ARHGAP29: variants seen among roughly 807,000 people sequenced by gnomAD.
ARHGAP29 encodes the protein rho GTPase-activating protein 29.
A neutral mutation model predicts 122.6 loss-of-function variants in ARHGAP29; 43 were observed. The ratio of observed to expected loss-of-function variants is 0.35; its 90% confidence interval spans 0.27 to 0.45. The LOEUF is 0.45. Ranked by LOEUF, ARHGAP29 falls within the 20% of genes least tolerant of loss-of-function variation. ARHGAP29 has a pLI of 1.00. For missense variants in ARHGAP29, 1,303 were observed against 1,477.2 expected (o/e 0.88, Z 1.93); for synonymous variants, 506 against 497.1 (o/e 1.02, Z -0.24).
intron 1 of ARHGAP29, among the ~76,000 whole-genome samples, chr1:94,261,670 T>C (rs1194395138): frequency 6.6e-6 from 1 of 151,920 alleles, no homozygotes; most frequent in African/African-American, 2.4e-5. Flanking sequence ...ACAAAAATAA[T>C]AAAATACCTA....
chr1:94,216,379 G>A (rs1040633806), intron 3 of ARHGAP29, among the ~76,000 whole-genome samples: 13 of 152,130 alleles, frequency 8.5e-5, no homozygotes, highest in African/African-American at 2.4e-4. Flanking sequence ...GGAGCAGAAC[G>A]CTACCATCTG....
intron 1 of ARHGAP29, among the ~76,000 whole-genome samples, chr1:94,252,193 A>G (rs1000242363): frequency 2.0e-5 from 3 of 152,218 alleles, no homozygotes; most frequent in Non-Finnish European, 2.9e-5. Flanking sequence ...CTAACATATG[A>G]CAAGTTTCAT....
At position 94,263,474 on chromosome 1, in the gene ARHGAP29, C is replaced by T. The variant is rs766571342; in HGVS notation, c.-33+11538G>A. The stretch of plus-strand genomic sequence containing the variant: ...AATGCAGTGCTCTAACAATGTTAGA[C>T]ATCATGCAGACCACGTACTCATGCA... On this transcript the variant is annotated intron_variant and NMD_transcript_variant, in intron 1 of 25. Coordinates refer to the ARHGAP29 transcript ENST00000552844. Among the ~76,000 whole-genome samples the T allele has an allele frequency of 8.7e-4, 132 of 152,116 alleles. 1 individual carries two copies. The highest frequency in any genetic ancestry group is 1.0e-3 in the Non-Finnish European group (69 of 67,988).
chr1:94,247,703 A>ACACCACCACCACCAC (rs568949677), intron 1 of ARHGAP29, among the ~76,000 whole-genome samples: 65 of 151,030 alleles, frequency 4.3e-4, no homozygotes, highest in African/African-American at 1.5e-3. Flanking sequence ...GCAGCCACAG[A>ACACCACCACCACCAC]CACCACCACC....
chr1:94,305,700 G>A, the ARHGAP29 span, among the ~76,000 whole-genome samples: 2,168 of 152,302 alleles, frequency 0.014, 42 homozygotes, highest in Admixed American at 0.038. Flanking sequence ...AGGTAAAATT[G>A]ACTGGATTTA....
At chr1:94,244,625 C>CA (rs749458507) in intron 1 of ARHGAP29, among the ~76,000 whole-genome samples, 7 of 151,970 alleles carry the variant, frequency 4.6e-5, no homozygotes, top group Admixed American at 3.9e-4. Flanking sequence ...GTAAAATACT[C>CA]AGAGATGGTG....
chr1:94,273,243 A>G (rs1049670601), intron 1 of ARHGAP29, among the ~76,000 whole-genome samples: 1 of 152,232 alleles, frequency 6.6e-6, no homozygotes, highest in African/African-American at 2.4e-5. Context: ...CATGATCAGA[A>G]TGAGAAATAA....
In ARHGAP29 at chr1:94,171,580, T is replaced by C. The variant is rs952214901; in HGVS notation, c.*2289A>G. Among the ~76,000 whole-genome samples, 3 of 152,158 alleles carry C rather than the reference T, an allele frequency of 2.0e-5. No homozygotes were observed. The highest frequency in any genetic ancestry group is 1.3e-4 in the Admixed American group (2 of 15,278). On this transcript the variant is annotated 3_prime_UTR_variant, in exon 23 of 23. Transcript: ENST00000260526. ...AAATGATTTCCACCACACTATTAGA[T>C]AGCACAACACAGTGCACACTGTGGA...
the ARHGAP29 span, among the ~76,000 whole-genome samples, chr1:94,287,834 T>C: frequency 6.0e-5 from 9 of 150,300 alleles, no homozygotes; most frequent in Non-Finnish European, 1.0e-4. Context: ...CATGAACTCA[T>C]CCTTTTTTTA....
intron 2 of ARHGAP29, among the ~76,000 whole-genome samples, chr1:94,223,346 C>T (rs1379608663): frequency 1.3e-5 from 2 of 152,112 alleles, no homozygotes; most frequent in South Asian, 2.1e-4. Flanking sequence ...ACCAGACTGC[C>T]TGACTTTGAA....
intron 2 of ARHGAP29, among the ~76,000 whole-genome samples, chr1:94,221,181 A>G (rs1049673066): frequency 2.6e-5 from 4 of 152,186 alleles, no homozygotes; most frequent in Non-Finnish European, 5.9e-5. Flanking sequence ...GGGGGATGCT[A>G]CTCACAGTCA....
chr1:94,202,568 C>T lies in ARHGAP29; in HGVS notation c.1119G>A (p.Arg373=), dbSNP rs1181154732. 1 of 1,614,144 alleles carries T rather than the reference C, an allele frequency of 6.2e-7. No homozygotes were observed. The highest frequency in any genetic ancestry group is 1.7e-5 in the Admixed American group (1 of 60,010). ...CTTTTTGGAGAGCCTCCTCTTCCAA[C>T]CTTCGCTTTTTTTCTAGTTGCTTGT... is the stretch of plus-strand genomic sequence containing the variant. ...NLNKQLEKKR[R]LEEEALQKVE... The change falls in exon 11 of 23, where the codon AGG becomes AGA. Residue 373 remains arginine, a synonymous_variant. Transcript: ENST00000260526.
At chr1:94,190,218 T>C (rs765726436) in intron 12 of ARHGAP29, 135 bp from the exon 13 acceptor site, 33 of 846,222 alleles carry the variant, frequency 3.9e-5, no homozygotes, top group Non-Finnish European at 5.7e-5. Flanking sequence ...ACTCTGAACA[T>C]ACTATGATGC....
intron 1 of ARHGAP29, among the ~76,000 whole-genome samples, chr1:94,264,323 G>T (rs1654675099): frequency 2.0e-5 from 3 of 151,990 alleles, no homozygotes; most frequent in Admixed American, 2.0e-4. Flanking sequence ...CATCTCCATT[G>T]TTCATGGTTG....
At chr1:94,182,387 G>T (rs1355237256) in intron 19 of ARHGAP29, among the ~76,000 whole-genome samples, 1 of 152,046 alleles carries the variant, frequency 6.6e-6, no homozygotes, top group Non-Finnish European at 1.5e-5. Context: ...AAAATAAAGG[G>T]GAGGAAATGA....
chr1:94,222,879 A>G (rs987050917), intron 2 of ARHGAP29, among the ~76,000 whole-genome samples: 3 of 152,242 alleles, frequency 2.0e-5, no homozygotes, highest in Non-Finnish European at 4.4e-5. Context: ...TCTATTTTTA[A>G]AATGAAATAC....
intron 2 of ARHGAP29, among the ~76,000 whole-genome samples, chr1:94,221,101 T>C (rs1034058827): frequency 1.3e-5 from 2 of 152,140 alleles, no homozygotes; most frequent in Non-Finnish European, 2.9e-5. Flanking sequence ...AGCGATGCAG[T>C]TTTATTACAC....
chr1:94,208,112 A>G (rs1488453995), intron 5 of ARHGAP29, among the ~76,000 whole-genome samples: 1 of 152,168 alleles, frequency 6.6e-6, no homozygotes, highest in East Asian at 1.9e-4. Flanking sequence ...TGCCGGGACT[A>G]TAGGTGTGTG....
At chr1:94,184,589 AT>A (rs758545472) in intron 18 of ARHGAP29, among the ~76,000 whole-genome samples, 1,998 of 147,432 alleles carry the variant, frequency 0.014, 14 homozygotes, top group Non-Finnish European at 0.02. Context: ...ACAGAAAAAA[AT>A]TTTTTTTTTT....
Sources: gnomAD v4.1 joint callset for allele counts (sites outside exome capture counted in the v4.1 genomes callset) on GRCh38, gnomAD v4.1.1 for gene constraint, MANE v1.5 for transcripts, NCBI Gene and HGNC (gene_info 2026-07-23, HGNC 2026-07-21) for gene names.